The following MYO7B variants were observed in gnomAD, a reference collection of about 807,000 sequenced individuals.
MYO7B encodes the protein myosin VIIB, also known as unconventional myosin-VIIb.
MYO7B carries 212 observed loss-of-function variants against 259.7 expected under a neutral mutation model. The ratio of observed to expected loss-of-function variants is 0.82; its 90% CI spans 0.73 to 0.91. The LOEUF (loss-of-function observed/expected upper bound fraction) is 0.91. MYO7B is among the 40% of genes least tolerant of loss of function. The pLI is 0.00. For synonymous variants in MYO7B, 1,197 were observed against 1,166.4 expected, an observed-to-expected ratio of 1.03 and a Z score of -0.54; for missense variants, 2,732 against 2,813.5, an observed-to-expected ratio of 0.97 and a Z score of 0.66.
Position 127,636,291 on chromosome 2 carries a change from G to C in MYO7B, c.6090G>C (p.Trp2030Cys). 6.2e-7 allele frequency: 1 copy of C among 1,613,532 alleles called. No homozygotes were observed. Among genetic ancestry groups the C allele is most frequent in the Non-Finnish European group, 8.5e-7 (1 of 1,179,808 alleles). ...CCTTCCTGAAGTGGATCTGCCGGTG[G>C]CCCACCTTCGGATCCGCCTTCTTCG... ...KVAFLKWICRWPTFGSAFFEV... is the reference protein window; with the variant it reads ...KVAFLKWICRCPTFGSAFFEV... The change falls in exon 45 of 48, where the codon TGG (tryptophan) becomes TGC (cysteine). Residue 2030 changes from tryptophan to cysteine, a missense_variant. Trp to Cys is a radical substitution (Grantham distance 215). This residue lies in a region of MYO7B where 821 missense variants were observed against 769.3 expected (regional missense o/e 1.07). Coordinates refer to ENST00000409816, the MANE Select transcript of MYO7B (RefSeq NM_001393586.1). This position sits in a 1 kb window ranked among gnomAD's most constrained non-coding sequence, Gnocchi z 4.5.
chr2:127,552,505 C>A (rs1021451896), intron 1 of MYO7B, among the ~76,000 whole-genome samples: 2 of 152,128 alleles, frequency 1.3e-5, no homozygotes, highest in Non-Finnish European at 2.9e-5. Context: ...GTGGGAAGAC[C>A]AGGCAAGCCA....
intron 31 of MYO7B, among the ~76,000 whole-genome samples, 188 bp downstream of exon 31, chr2:127,625,723 C>T (rs1025292737): frequency 6.6e-6 from 1 of 152,232 alleles, no homozygotes; most frequent in Admixed American, 6.5e-5. Flanking sequence ...CAGTTCAGCT[C>T]TCTGTCACAG....
chr2:127,542,824 G>A (rs1481841738), intron 1 of MYO7B, among the ~76,000 whole-genome samples: 2 of 152,164 alleles, frequency 1.3e-5, no homozygotes, highest in South Asian at 2.1e-4. Flanking sequence ...ATGGGGAGAA[G>A]GTAGGCAGGA....
rs7604139 is a variant in MYO7B, at chr2:127,590,931, C to T, written c.1992+702C>T. ...AGTTTGATCTGGGTGCAGTAGCTCA[C>T]GCTTGTAATCCCAGCACTTTGGGAG... On this transcript the variant is annotated intron_variant, in intron 16 of 47. Transcript: ENST00000409816. The surrounding 1 kb of genome is among the most constrained non-coding windows in gnomAD (Gnocchi z 4.6). 2.2e-4 allele frequency among the ~76,000 whole-genome samples: 34 copies of T among 152,206 alleles called. No individual in the cohort carries two copies. The highest frequency in any genetic ancestry group is 7.5e-4 in the African/African-American group (31 of 41,448).
chr2:127,566,947 AC>A (rs1172058510), intron 5 of MYO7B, 120 bp downstream of exon 5: 6 of 1,028,886 alleles, frequency 5.8e-6, no homozygotes, highest in Non-Finnish European at 6.9e-6. Flanking sequence ...ACCCATCTCC[AC>A]AGCACACAAC....
chr2:127,578,685 G>A (rs977779559), intron 9 of MYO7B, among the ~76,000 whole-genome samples: 3 of 152,132 alleles, frequency 2.0e-5, no homozygotes, highest in East Asian at 1.9e-4. Flanking sequence ...GACAGTCCTC[G>A]CTGGAAAAAA....
At chr2:127,606,983 G>A (rs568303555) in intron 20 of MYO7B, among the ~76,000 whole-genome samples, 1 of 152,366 alleles carries the variant, frequency 6.6e-6, no homozygotes, top group African/African-American at 2.4e-5. Context: ...TTTCACAAAT[G>A]CTTATTTAGC....
chr2:127,626,705 G>A (rs11892701), intron 31 of MYO7B: 8 of 333,608 alleles, frequency 2.4e-5, no homozygotes, highest in Middle Eastern at 1.7e-3. Flanking sequence ...CTTGAACTCG[G>A]GAGGCGGAGC....
In MYO7B at chr2:127,584,843, G is replaced by C. The variant is rs756031442; in HGVS notation, c.1620G>C (p.Gln540His). 1.6e-5 allele frequency: 26 copies of C among 1,613,846 alleles called. No homozygotes were observed. Among genetic ancestry groups the C allele is most frequent in the Non-Finnish European group, 2.0e-5 (24 of 1,179,898 alleles). The change falls in exon 14 of 48, where the codon CAG becomes CAC. Residue 540 changes from glutamine to histidine, a missense_variant. Gln to His is a conservative substitution (Grantham distance 24, BLOSUM62 0). Transcript: ENST00000409816. This position sits in a 1 kb window ranked among gnomAD's most constrained non-coding sequence, Gnocchi z 5.8. ...ATGCCAACAACAAGGCCTTCCTACAGCCCAAGAACATCCACGATGCCAGAT... is the reference window on the plus strand; with the variant it reads ...ATGCCAACAACAAGGCCTTCCTACACCCCAAGAACATCCACGATGCCAGAT... Reference protein sequence around the residue: ...SVHANNKAFLQPKNIHDARFG... With the variant: ...SVHANNKAFLHPKNIHDARFG...
rs1400139891 is a variant in MYO7B, at chr2:127,612,505, GGCATTGGA to G, written c.3303_3310del (p.Leu1102Ter). 6.4e-7 allele frequency: 1 copy of G among 1,561,408 alleles called. No homozygotes were observed. On this transcript the variant is annotated frameshift_variant, in exon 26 of 48. Coordinates refer to ENST00000409816, the MANE Select transcript of MYO7B (RefSeq NM_001393586.1). LOFTEE classifies it high-confidence loss of function. ...CCAGCCAGCTGAACATTGGAGAGGA[GGCATTGGA>G]GCCTGATGGCCTTGGTGCAGACCGG...
At chr2:127,569,538 T>A (rs890060575) in intron 5 of MYO7B, among the ~76,000 whole-genome samples, 2 of 152,080 alleles carry the variant, frequency 1.3e-5, no homozygotes, top group African/African-American at 4.8e-5. Context: ...CTGGAATGAA[T>A]CAGATCCGAG....
In MYO7B at chr2:127,628,728, C is replaced by T. The variant is rs1681294601; in HGVS notation, c.4624+193C>T. Among the ~76,000 whole-genome samples the T allele has an allele frequency of 6.6e-6, 1 of 152,226 alleles. No individual in the cohort carries two copies. On this transcript the variant is annotated intron_variant, in intron 34 of 47. Coordinates refer to ENST00000409816, the MANE Select transcript of MYO7B (RefSeq NM_001393586.1). This position sits in a 1 kb window ranked among gnomAD's most constrained non-coding sequence, Gnocchi z 4.8. ...CTTTCAGCCACTGCTTCCTCTTCTA[C>T]AAAATGAGGGGCTAAAGGAGGTGGT...
At chr2:127,631,539 T>C (rs1681509273) in intron 37 of MYO7B, 61 bp from the exon 38 acceptor site, 1 of 1,582,142 alleles carries the variant, frequency 6.3e-7, no homozygotes, top group South Asian at 1.2e-5. Flanking sequence ...GGGGTCAGCG[T>C]CTATCCCCAG....
At chr2:127,605,334 C>A (rs1464102978) in intron 19 of MYO7B, among the ~76,000 whole-genome samples, 2 of 152,192 alleles carry the variant, frequency 1.3e-5, no homozygotes, top group African/African-American at 2.4e-5. Flanking sequence ...CAGTGGCTCA[C>A]GCCTGTAATC....
chr2:127,571,762 G>A (rs1298314202), intron 6 of MYO7B, among the ~76,000 whole-genome samples: 2 of 152,102 alleles, frequency 1.3e-5, no homozygotes, highest in Admixed American at 6.5e-5. Flanking sequence ...TTACAGGCGT[G>A]AGCCACTGTG....
At chr2:127,545,954 C>T (rs1693212269) in intron 1 of MYO7B, among the ~76,000 whole-genome samples, 1 of 152,186 alleles carries the variant, frequency 6.6e-6, no homozygotes, top group South Asian at 2.1e-4. Flanking sequence ...GGGTGTTTGG[C>T]CCGGATCTAG....
intron 19 of MYO7B, among the ~76,000 whole-genome samples, chr2:127,604,005 A>T (rs1338366161): frequency 6.6e-6 from 1 of 152,092 alleles, no homozygotes; most frequent in Non-Finnish European, 1.5e-5. Flanking sequence ...TGGTAGTGGA[A>T]GCCTGTAGTC....
At chr2:127,630,939 AC>A (rs1225079440) in intron 36 of MYO7B, 31 bp downstream of exon 36, 31 of 1,525,014 alleles carry the variant, frequency 2.0e-5, no homozygotes, top group Non-Finnish European at 2.6e-5. Context: ...GCCTCATTGC[AC>A]CCCCACCTCC....
intron 14 of MYO7B, among the ~76,000 whole-genome samples, chr2:127,587,154 G>T (rs1679335609): frequency 6.6e-6 from 1 of 152,172 alleles, no homozygotes; most frequent in Admixed American, 6.5e-5. Flanking sequence ...CGTGCCCTTG[G>T]GAGTTCGTCC....
Sources: gnomAD v4.1 joint callset for allele counts (sites outside exome capture counted in the v4.1 genomes callset) on GRCh38, gnomAD v4.1.1 for gene constraint, gnomAD v4.1.1 regional missense constraint, Gnocchi (gnomAD v3.1) non-coding constraint, MANE v1.5 for transcripts, NCBI Gene and HGNC (gene_info 2026-07-23, HGNC 2026-07-21) for gene names.